DHX34: variants seen among roughly 807,000 people sequenced by gnomAD.
The protein encoded by DHX34 is probable ATP-dependent RNA helicase DHX34.
A neutral mutation model predicts 111.1 loss-of-function variants in DHX34; 96 were observed. That is an observed-to-expected ratio of 0.86 (90% CI 0.73 to 1.02). The LOEUF is 1.02. DHX34 is among the 50% of genes least tolerant of loss of function. DHX34 has a pLI of 0.00. For missense variants in DHX34, 1,560 were observed against 1,579.9 expected (o/e 0.99, Z 0.21); for synonymous variants, 688 against 670.4 (o/e 1.03, Z -0.41).
rs1970398023 is a variant in DHX34, at chr19:47,382,438, T to A, written c.*325T>A. Reference sequence around the variant, plus strand: ...AGCAGGGACCTCCCATGTCTCCAGATTCCAGGTGCAGGTTCTTAGCACCTC... The same window carrying A: ...AGCAGGGACCTCCCATGTCTCCAGAATCCAGGTGCAGGTTCTTAGCACCTC... On this transcript the variant is annotated 3_prime_UTR_variant, in exon 17 of 17. Coordinates refer to ENST00000328771, the MANE Select transcript of DHX34 (RefSeq NM_014681.6). 1 of 291,684 alleles carries A rather than the reference T, an allele frequency of 3.4e-6. No individual in the cohort carries two copies. The highest frequency in any genetic ancestry group is 6.5e-6 in the Non-Finnish European group (1 of 153,668). 18.1% of individuals were successfully genotyped at this position (291,684 alleles called of 1,614,324 possible). A position where few individuals can be genotyped will look rare whatever the true frequency, so the allele number is the denominator to read the frequency against.
Position 47,354,962 on chromosome 19 carries a change from T to C in DHX34, c.706-77T>C, listed in dbSNP as rs1455278884. ...AGCCACCGCACCCGGCCTGCTTAGA[T>C]TTTCAATTTGGGCAGGGCCAGGGGC... On this transcript the variant is annotated intron_variant, in intron 2 of 16. Coordinates refer to ENST00000328771, the MANE Select transcript of DHX34 (RefSeq NM_014681.6). 6 of 1,565,716 alleles carry C rather than the reference T, an allele frequency of 3.8e-6. No individual in the cohort carries two copies. In the East Asian group the frequency reaches 9.0e-5, roughly 24 times the overall value.
At chr19:47,361,232 C>T in intron 5 of DHX34, among the ~76,000 whole-genome samples, 1 of 151,394 alleles carries the variant, frequency 6.6e-6, no homozygotes, top group East Asian at 2.0e-4. Context: ...CCAAGGCAGG[C>T]AGGTCACTTG....
rs781659973 is a variant in DHX34 at position 47,382,082 on chromosome 19, AG to A, written c.3403del (p.Val1135CysfsTer22). 5.6e-6 allele frequency: 9 copies of A among 1,613,968 alleles called. No individual in the cohort carries two copies. In the South Asian group the frequency reaches 9.9e-5, roughly 18 times the overall value. On this transcript the variant is annotated frameshift_variant, in exon 17 of 17. Coordinates refer to ENST00000328771, the MANE Select transcript of DHX34 (RefSeq NM_014681.6). LOFTEE classifies it high-confidence loss of function. ...AAGGACTTCCTCTTTACACCCACAG[AG>A]GTGCTGCGCCACCGGAAGCAGCACG... ...CGKDFLFTPT[E>X]VLRHRKQHV
Position 47,355,104 on chromosome 19 carries a change from G to T in DHX34, c.771G>T (p.Val257=), listed in dbSNP as rs753427805. 2 of 1,613,952 alleles carry T rather than the reference G, an allele frequency of 1.2e-6. No individual in the cohort carries two copies. Among genetic ancestry groups the T allele is most frequent in the African/African-American group, 2.7e-5 (2 of 74,880 alleles). ...SAATKIVFLT[V]GLLLRQIQRE... ...CCACCAAGATTGTATTCCTGACAGT[G>T]GGGCTGCTCCTGCGACAAATCCAGC... Residue 257 remains valine (V), a synonymous_variant, in exon 3 of 17, where the codon GTG becomes GTT. Coordinates refer to ENST00000328771, the MANE Select transcript of DHX34 (RefSeq NM_014681.6).
At position 47,357,867 on chromosome 19, in the gene DHX34, T is replaced by C. The variant is rs766427726; in HGVS notation, c.1019T>C (p.Val340Ala). The stretch of plus-strand genomic sequence containing the variant: ...CTACCTGGGGCTGTCTCCTCTCAGG[T>C]TGTGTACCAGCCGCAGGAGGCGGAG... ...QVPGRLFPITVVYQPQEAEPT... is the reference protein window; with the variant it reads ...QVPGRLFPITAVYQPQEAEPT... Residue 340 changes from valine (V) to alanine (A), a missense_variant and splice_region_variant, in exon 4 of 17, where the codon GTT becomes GCT. Transcript: ENST00000328771. 1 of 1,612,000 alleles carries C rather than the reference T, an allele frequency of 6.2e-7. No homozygotes were observed.
Position 47,357,875 on chromosome 19 carries a change from C to T in DHX34, c.1027C>T (p.Gln343Ter), listed in dbSNP as rs1186663644. ...GRLFPITVVY[Q>*]PQEAEPTTSK... ...GGCTGTCTCCTCTCAGGTTGTGTAC[C>T]AGCCGCAGGAGGCGGAGCCGACCAC... is the stretch of plus-strand genomic sequence containing the variant. Residue 343 changes from glutamine to a stop codon, truncating the protein, a stop_gained, in exon 4 of 17, where the codon CAG becomes TAG. Coordinates refer to ENST00000328771, the MANE Select transcript of DHX34 (RefSeq NM_014681.6). LOFTEE classifies it high-confidence loss of function. 1 of 1,612,856 alleles carries T rather than the reference C, an allele frequency of 6.2e-7. No individual in the cohort carries two copies. The highest frequency in any genetic ancestry group is 8.5e-7 in the Non-Finnish European group (1 of 1,179,324).
chr19:47,379,589 AGGT>A (rs1418183047), intron 13 of DHX34, 118 bp from the exon 14 acceptor site: 1 of 1,477,438 alleles, frequency 6.8e-7, no homozygotes, highest in East Asian at 2.3e-5. Flanking sequence ...GATGGCGGGT[AGGT>A]GGATGCCTCA....
At chr19:47,381,863 C>G (rs1443060015) in intron 16 of DHX34, 117 bp from the exon 17 acceptor site, 4 of 1,524,462 alleles carry the variant, frequency 2.6e-6, no homozygotes, top group Non-Finnish European at 1.8e-6. Flanking sequence ...GGAGGCAAAA[C>G]TGGGTTCTCC....
In DHX34 at chr19:47,367,874, C is replaced by T. The variant is rs1320247200; in HGVS notation, c.1768+719C>T. ...CCATGCCATTGTACTCTAGCCTGGG[C>T]GACAGAGCGAGACTCCATCTCAAAA... On this transcript the variant is annotated intron_variant, in intron 7 of 16. Transcript: ENST00000328771. 1.0e-4 allele frequency among the ~76,000 whole-genome samples: 13 copies of T among 128,468 alleles called. No individual in the cohort carries two copies. The South Asian group carries it at 1.4e-3, about 14-fold the overall frequency. 84.3% of individuals were successfully genotyped at this position (128,468 alleles called of 152,430 possible).
At position 47,377,080 on chromosome 19, in the gene DHX34, G is replaced by C. The variant is rs748858620; in HGVS notation, c.2600-20G>C. 1.2e-6 allele frequency: 2 copies of C among 1,613,682 alleles called. No individual in the cohort carries two copies. Among genetic ancestry groups the C allele is most frequent in the South Asian group, 2.2e-5 (2 of 91,068 alleles). Reference sequence around the variant, plus strand: ...TGGGTGGGCCAGGGTGGGCCTGAGCGGTCCTCCTCAACCTTTCAGACGACA... The same window carrying C: ...TGGGTGGGCCAGGGTGGGCCTGAGCCGTCCTCCTCAACCTTTCAGACGACA... On this transcript the variant is annotated intron_variant, in intron 12 of 16. Transcript: ENST00000328771.
intron 1 of DHX34, among the ~76,000 whole-genome samples, chr19:47,351,953 A>G (rs945669724): frequency 6.6e-6 from 1 of 152,222 alleles, no homozygotes; most frequent in Non-Finnish European, 1.5e-5. Flanking sequence ...CAAAAATTAC[A>G]TATAACACTT....
In DHX34 at chr19:47,382,004, C is replaced by A. The variant is rs934662532; in HGVS notation, c.3323C>A (p.Thr1108Asn). ...GGGGCTGAGGAAGCTGCCCTCGAAACCCTCCAGAAGACATCTGTCCTGCAG... is the reference window on the plus strand; with the variant it reads ...GGGGCTGAGGAAGCTGCCCTCGAAAACCTCCAGAAGACATCTGTCCTGCAG... ...PPGAEEAALE[T>N]LQKTSVLQRP... Residue 1108 changes from threonine (T) to asparagine (N), a missense_variant, in exon 17 of 17, where the codon ACC becomes AAC. Coordinates refer to ENST00000328771, the MANE Select transcript of DHX34 (RefSeq NM_014681.6). The A allele has an allele frequency of 4.3e-6, 7 of 1,614,110 alleles. No homozygotes were observed. The highest frequency in any genetic ancestry group is 5.1e-6 in the Non-Finnish European group (6 of 1,179,982).
chr19:47,355,197 C>T lies in DHX34; in HGVS notation c.864C>T (p.Asn288=), dbSNP rs113972066. 4,376 of 1,614,228 alleles carry T rather than the reference C, an allele frequency of 2.7e-3. 10 individuals carry two copies. The highest frequency in any genetic ancestry group is 7.4e-3 in the South Asian group (672 of 91,088). The change falls in exon 3 of 17, where the codon AAC becomes AAT. Residue 288 remains asparagine (N), a synonymous_variant. Coordinates refer to ENST00000328771, the MANE Select transcript of DHX34 (RefSeq NM_014681.6). ...AAGTCCATGAGCGGCATCTCCACAA[C>T]GATTTCCTCCTGGGCGTCCTCCAGC... ...VDEVHERHLH[N]DFLLGVLQRL...
At chr19:47,356,286 G>A (rs552208085) in intron 3 of DHX34, among the ~76,000 whole-genome samples, 89 of 152,238 alleles carry the variant, frequency 5.8e-4, no homozygotes, top group Non-Finnish European at 1.2e-3. Context: ...ATTGTCTCTT[G>A]TGATTTCTGG....
intron 7 of DHX34, among the ~76,000 whole-genome samples, chr19:47,368,681 C>T (rs1251339537): frequency 2.0e-5 from 3 of 149,626 alleles, no homozygotes; most frequent in Non-Finnish European, 4.4e-5. Flanking sequence ...CATATATATA[C>T]ATACACACAT....
rs768041418 is a variant in DHX34, at chr19:47,352,981, A to C, written c.-50A>C. ...TGTTGCAGGTGGGGAATGGATGAGAATATTTGTTTTGGGTGATCAGAACTG... is the reference window on the plus strand; with the variant it reads ...TGTTGCAGGTGGGGAATGGATGAGACTATTTGTTTTGGGTGATCAGAACTG... On this transcript the variant is annotated 5_prime_UTR_variant, in exon 2 of 17. Transcript: ENST00000328771. 6.4e-7 allele frequency: 1 copy of C among 1,560,558 alleles called. No homozygotes were observed. The highest frequency in any genetic ancestry group is 1.4e-5 in the African/African-American group (1 of 73,082).
In DHX34 at chr19:47,381,193, C is replaced by G; in HGVS notation, c.3167C>G (p.Thr1056Arg). The G allele has an allele frequency of 6.8e-6, 11 of 1,613,984 alleles. No individual in the cohort carries two copies. Among genetic ancestry groups the G allele is most frequent in the Non-Finnish European group, 8.5e-6 (10 of 1,179,878 alleles). Residue 1056 changes from threonine (T) to arginine (R), a missense_variant, in exon 16 of 17, where the codon ACA becomes AGA. Transcript: ENST00000328771. ...FLTYNCLTND[T>R]DLYSDCLRTF... Reference sequence around the variant, plus strand: ...ACAGCTGGCCTGCCACAGAATGACACAGACCTGTACAGCGACTGTCTCCGA... The same window carrying G: ...ACAGCTGGCCTGCCACAGAATGACAGAGACCTGTACAGCGACTGTCTCCGA...
Position 47,375,986 on chromosome 19 carries a change from G to C in DHX34, c.2370G>C (p.Gln790His). The C allele has an allele frequency of 6.2e-7, 1 of 1,606,200 alleles. No individual in the cohort carries two copies. Among genetic ancestry groups the C allele is most frequent in the Non-Finnish European group, 8.5e-7 (1 of 1,178,084 alleles). ...TGCAGGCCGCTGCCAGCTCAGCCCA[G>C]GACCTGAGCCGCGAGCAGCTGGCTC... ...AQLQAAASSA[Q>H]DLSREQLALL... Residue 790 changes from glutamine (Q) to histidine (H), a missense_variant, in exon 11 of 17, where the codon CAG becomes CAC. Physicochemically the swap from Gln to His is conservative, Grantham distance 24. Transcript: ENST00000328771.
Position 47,380,590 on chromosome 19 carries a change from C to T in DHX34, c.2983-226C>T. The stretch of plus-strand genomic sequence containing the variant: ...AATGGGGTCCCACCAGTGACAGGGG[C>T]AGAAGAGGGGCCTGGGGAGGGCAAT... On this transcript the variant is annotated intron_variant, in intron 14 of 16. Transcript: ENST00000328771. The T allele has an allele frequency of 7.2e-6, 7 of 972,626 alleles. No individual in the cohort carries two copies. In the South Asian group the frequency reaches 2.9e-4, roughly 40 times the overall value. The allele number at this position is 972,626 out of a possible 1,614,324, so 60.2% of individuals were successfully genotyped here. A position where few individuals can be genotyped will look rare whatever the true frequency, so the allele number is the denominator to read the frequency against.
Sources: gnomAD v4.1 joint callset for allele counts (sites outside exome capture counted in the v4.1 genomes callset) on GRCh38, gnomAD v4.1.1 for gene constraint, MANE v1.5 for transcripts, NCBI Gene and HGNC (gene_info 2026-07-23, HGNC 2026-07-21) for gene names.